Variants in MGAT2 observed in about 807,000 individuals in gnomAD.
The protein encoded by MGAT2 is Beta-1,2-N-acetylglucosaminyltransferase II.
In MGAT2, 17 loss-of-function variants were observed where a neutral mutation model predicts 33.8. That is an observed-to-expected ratio of 0.50 (90% confidence interval 0.34 to 0.76). MGAT2 has a LOEUF of 0.76. MGAT2 is among the 30% of genes least tolerant of loss of function. The pLI, the probability that MGAT2 is intolerant of heterozygous loss-of-function variation, is 0.01. For synonymous variants in MGAT2, 248 were observed against 226.7 expected (o/e 1.09, Z -0.84); for missense variants, 529 against 553.9 (o/e 0.96, Z 0.45).
Position 49,622,000 on chromosome 14 carries a change from A to C in MGAT2, c.732A>C (p.Arg244Ser). ...GGAAGCTGCATTTTGTGTGGGAAAGAGTGAAAATTCTTCGAGATTATGCTG... is the reference window on the plus strand; with the variant it reads ...GGAAGCTGCATTTTGTGTGGGAAAGCGTGAAAATTCTTCGAGATTATGCTG... Reference protein sequence around the residue: ...WWWKLHFVWERVKILRDYAGL... With the variant: ...WWWKLHFVWESVKILRDYAGL... Residue 244 changes from arginine (R) to serine (S), a missense_variant, in exon 1 of 1, where the codon AGA becomes AGC. Physicochemically the swap from Arg to Ser is moderately radical, Grantham distance 110. Coordinates refer to ENST00000305386, the MANE Select transcript of MGAT2 (RefSeq NM_002408.4). This position sits in a 1 kb window ranked among gnomAD's most constrained non-coding sequence, Gnocchi z 4.6. 1 of 1,614,220 alleles carries C rather than the reference A, an allele frequency of 6.2e-7. No individual in the cohort carries two copies. Among genetic ancestry groups the C allele is most frequent in the Non-Finnish European group, 8.5e-7 (1 of 1,180,040 alleles).
In MGAT2 at chr14:49,622,718, AAC is replaced by A; in HGVS notation, c.*108_*109del. ...GAACTGGTTTCTGCTTTAATACAAAAACAAAATCTTGTAAAAGGTGTCCAAAT... is the reference window on the plus strand; with the variant it reads ...GAACTGGTTTCTGCTTTAATACAAAAAAAATCTTGTAAAAGGTGTCCAAAT... On this transcript the variant is annotated 3_prime_UTR_variant, in exon 1 of 1. Coordinates refer to ENST00000305386, the MANE Select transcript of MGAT2 (RefSeq NM_002408.4). 1 of 1,203,970 alleles carries A rather than the reference AAC, an allele frequency of 8.3e-7. No individual in the cohort carries two copies. Among genetic ancestry groups the A allele is most frequent in the Non-Finnish European group, 1.1e-6 (1 of 882,434 alleles). The allele number at this position is 1,203,970 out of a possible 1,614,324, so 74.6% of individuals were successfully genotyped here. A position where few individuals can be genotyped will look rare whatever the true frequency, so the allele number is the denominator to read the frequency against.
chr14:49,622,371 A>T lies in MGAT2; in HGVS notation c.1103A>T (p.Gln368Leu). The T allele has an allele frequency of 6.2e-7, 1 of 1,614,176 alleles. No individual in the cohort carries two copies. Among genetic ancestry groups the T allele is most frequent in the Non-Finnish European group, 8.5e-7 (1 of 1,180,046 alleles). ...AAATTCTGGAAAGTGCTGGTTCCTC[A>T]AATTCCTAGGATCTTTCATGCTGGA... ...LPKFWKVLVP[Q>L]IPRIFHAGDC... Residue 368 changes from glutamine (Q) to leucine (L), a missense_variant, in exon 1 of 1, where the codon CAA becomes CTA. Transcript: ENST00000305386.
Position 49,621,243 on chromosome 14 carries a change from C to T in MGAT2, c.-26C>T. The stretch of plus-strand genomic sequence containing the variant: ...GCAGCTGCTCCTTTCCGCGCCCGCC[C>T]GCCTGCGCTCCCGGCCCTGGAGACC... On this transcript the variant is annotated 5_prime_UTR_variant, in exon 1 of 1. Transcript: ENST00000305386. The surrounding 1 kb of genome is among the most constrained non-coding windows in gnomAD (Gnocchi z 4.6). 1.2e-6 allele frequency: 2 copies of T among 1,611,598 alleles called. No homozygotes were observed. The highest frequency in any genetic ancestry group is 2.2e-5 in the East Asian group (1 of 44,864).
rs563513161 is a variant in MGAT2 at position 49,622,501 on chromosome 14, A to C, written c.1233A>C (p.Leu411=). The C allele has an allele frequency of 6.2e-7, 1 of 1,603,944 alleles. No homozygotes were observed. The highest frequency in any genetic ancestry group is 8.5e-7 in the Non-Finnish European group (1 of 1,175,396). ...NNKQYMFPET[L]TISEKFTVVA... The stretch of plus-strand genomic sequence containing the variant: ...AACAATACATGTTTCCAGAAACTCT[A>C]ACTATCAGTGAAAAGTTTACTGTGG... The change falls in exon 1 of 1, where the codon CTA becomes CTC. Residue 411 remains leucine (L), a synonymous_variant. Transcript: ENST00000305386.
rs199894838 is a variant in MGAT2 at position 49,621,227 on chromosome 14, C to G, written c.-42C>G. The G allele has an allele frequency of 9.6e-5, 155 of 1,610,370 alleles. No homozygotes were observed. Among genetic ancestry groups the G allele is most frequent in the Non-Finnish European group, 1.3e-4 (152 of 1,179,488 alleles). On this transcript the variant is annotated 5_prime_UTR_variant, in exon 1 of 1. Coordinates refer to ENST00000305386, the MANE Select transcript of MGAT2 (RefSeq NM_002408.4). This position sits in a 1 kb window ranked among gnomAD's most constrained non-coding sequence, Gnocchi z 4.6. ...CCCCTTCCGTGCAGAAGCAGCTGCT[C>G]CTTTCCGCGCCCGCCCGCCTGCGCT...
chr14:49,621,698 A>G lies in MGAT2; in HGVS notation c.430A>G (p.Ile144Val). 6.2e-7 allele frequency: 1 copy of G among 1,614,194 alleles called. No homozygotes were observed. Among genetic ancestry groups the G allele is most frequent in the Non-Finnish European group, 8.5e-7 (1 of 1,180,006 alleles). ...LLDSLRKAQG[I>V]DNVLVIFSHD... ...GGACTCACTTCGAAAAGCCCAGGGA[A>G]TTGACAACGTCCTCGTCATCTTTAG... Residue 144 changes from isoleucine to valine, a missense_variant, in exon 1 of 1, where the codon ATT (isoleucine) becomes GTT (valine). Transcript: ENST00000305386. This position sits in a 1 kb window ranked among gnomAD's most constrained non-coding sequence, Gnocchi z 4.6.
In MGAT2 at chr14:49,622,140, TG is replaced by T; in HGVS notation, c.876del (p.Thr293ProfsTer15). On this transcript the variant is annotated frameshift_variant, in exon 1 of 1. Transcript: ENST00000305386. LOFTEE classifies it high-confidence loss of function. The stretch of plus-strand genomic sequence containing the variant: ...TGCCCTGAATGTGATGTTCTCTCCC[TG>T]GGGACCTATAGTGCCAGTCGCAGTT... Reference protein sequence around the residue: ...QECPECDVLSLGTYSASRSFY... With the variant: ...QECPECDVLSXGTYSASRSFY... 6.2e-7 allele frequency: 1 copy of T among 1,614,216 alleles called. No individual in the cohort carries two copies. Among genetic ancestry groups the T allele is most frequent in the Non-Finnish European group, 8.5e-7 (1 of 1,180,040 alleles).
Position 49,621,600 on chromosome 14 carries a change from G to A in MGAT2, c.332G>A (p.Gly111Asp). 6.2e-7 allele frequency: 1 copy of A among 1,614,050 alleles called. No homozygotes were observed. Among genetic ancestry groups the A allele is most frequent in the Non-Finnish European group, 8.5e-7 (1 of 1,179,972 alleles). ...DQTLRNVDKAGTWAPRELVLV... is the reference protein window; with the variant it reads ...DQTLRNVDKADTWAPRELVLV... ...ACCCTGAGGAATGTAGATAAGGCTG[G>A]CACCTGGGCCCCCCGGGAGCTGGTG... The change falls in exon 1 of 1, where the codon GGC (glycine) becomes GAC (aspartate). Residue 111 changes from glycine to aspartate, a missense_variant. Around this residue, in one of 2 missense-constraint regions of MGAT2, gnomAD observed 501 missense variants for 501.1 expected, o/e 1.00. Transcript: ENST00000305386. This position sits in a 1 kb window ranked among gnomAD's most constrained non-coding sequence, Gnocchi z 4.6.
Position 49,620,913 on chromosome 14 carries a change from G to T in MGAT2, c.-356G>T. The T allele has an allele frequency of 1.4e-6, 1 of 701,388 alleles. No homozygotes were observed. Among genetic ancestry groups the T allele is most frequent in the Non-Finnish European group, 2.6e-6 (1 of 384,420 alleles). 43.4% of individuals were successfully genotyped at this position (701,388 alleles called of 1,614,324 possible). A position where few individuals can be genotyped will look rare whatever the true frequency, so the allele number is the denominator to read the frequency against. On this transcript the variant is annotated 5_prime_UTR_variant, in exon 1 of 1. Coordinates refer to ENST00000305386, the MANE Select transcript of MGAT2 (RefSeq NM_002408.4). ...GAGCGCAGAGGACGCAGGGCCGCTG[G>T]AGGCGCAGGTAACGAAGCTAGGGTG...
chr14:49,621,255 C>T lies in MGAT2; in HGVS notation c.-14C>T, dbSNP rs746915490. 5.6e-6 allele frequency: 9 copies of T among 1,611,998 alleles called. No individual in the cohort carries two copies. Among genetic ancestry groups the T allele is most frequent in the Middle Eastern group, 1.7e-4 (1 of 5,762 alleles). On this transcript the variant is annotated 5_prime_UTR_variant, in exon 1 of 1. Transcript: ENST00000305386. This position sits in a 1 kb window ranked among gnomAD's most constrained non-coding sequence, Gnocchi z 4.6. ...TTCCGCGCCCGCCCGCCTGCGCTCC[C>T]GGCCCTGGAGACCATGAGGTTCCGC...
rs761031417 is a variant in MGAT2, at chr14:49,621,442, C to T, written c.174C>T (p.Pro58=). The T allele has an allele frequency of 2.5e-6, 4 of 1,607,410 alleles. No homozygotes were observed. The South Asian group carries it at 3.3e-5, about 13-fold the overall frequency. Residue 58 remains proline (P), a synonymous_variant, in exon 1 of 1, where the codon CCC becomes CCT. Transcript: ENST00000305386. This position sits in a 1 kb window ranked among gnomAD's most constrained non-coding sequence, Gnocchi z 4.6. ...RGAGGRGGDH[P]SVAVGIRRVS... ...CCGGCGGCCGCGGTGGGGACCACCC[C>T]TCTGTGGCTGTGGGCATCCGCAGGG...
Position 49,622,516 on chromosome 14 carries a change from GT to G in MGAT2, c.1251del (p.Phe417LeufsTer4). ...CAGAAACTCTAACTATCAGTGAAAA[GT>G]TTACTGTGGTAGCCATTTCCCCACC... The part of the protein sequence containing the change: ...FPETLTISEK[F>X]TVVAISPPRK... On this transcript the variant is annotated frameshift_variant, in exon 1 of 1. Coordinates refer to ENST00000305386, the MANE Select transcript of MGAT2 (RefSeq NM_002408.4). LOFTEE classifies it high-confidence loss of function. The G allele has an allele frequency of 6.2e-7, 1 of 1,600,142 alleles. No individual in the cohort carries two copies. Among genetic ancestry groups the G allele is most frequent in the Non-Finnish European group, 8.5e-7 (1 of 1,173,796 alleles).
Position 49,622,354 on chromosome 14 carries a change from G to A in MGAT2, c.1086G>A (p.Trp362Ter), listed in dbSNP as rs1454642029. The change falls in exon 1 of 1, where the codon TGG becomes TGA. Residue 362 changes from tryptophan (W) to a stop codon, truncating the protein, a stop_gained. Transcript: ENST00000305386. LOFTEE classifies it high-confidence loss of function. The stretch of plus-strand genomic sequence containing the variant: ...CTGTATCTTGTCTTCCAAAATTCTG[G>A]AAAGTGCTGGTTCCTCAAATTCCTA... ...YLTVSCLPKF[W>*]KVLVPQIPRI... 6 of 1,614,160 alleles carry A rather than the reference G, an allele frequency of 3.7e-6. No homozygotes were observed. Among genetic ancestry groups the A allele is most frequent in the Non-Finnish European group, 5.1e-6 (6 of 1,180,030 alleles).
At position 49,621,941 on chromosome 14, in the gene MGAT2, G is replaced by A. The variant is rs1882867225; in HGVS notation, c.673G>A (p.Ala225Thr). ...CGACTCCTTCGGCCATTATAGAGAG[G>A]CCAAATTCTCCCAGACCAAACATCA... ...YPDSFGHYREAKFSQTKHHWW... is the reference protein window; with the variant it reads ...YPDSFGHYRETKFSQTKHHWW... The change falls in exon 1 of 1, where the codon GCC becomes ACC. Residue 225 changes from alanine (A) to threonine (T), a missense_variant. This residue lies in a region of MGAT2 where 501 missense variants were observed against 501.1 expected (regional missense o/e 1.00). Transcript: ENST00000305386. This position sits in a 1 kb window ranked among gnomAD's most constrained non-coding sequence, Gnocchi z 4.6. 6.2e-7 allele frequency: 1 copy of A among 1,614,158 alleles called. No individual in the cohort carries two copies. The highest frequency in any genetic ancestry group is 8.5e-7 in the Non-Finnish European group (1 of 1,180,026).
In MGAT2 at chr14:49,621,703, C is replaced by T; in HGVS notation, c.435C>T (p.Asp145=). 1 of 1,614,230 alleles carries T rather than the reference C, an allele frequency of 6.2e-7. No homozygotes were observed. The highest frequency in any genetic ancestry group is 8.5e-7 in the Non-Finnish European group (1 of 1,180,044). ...CACTTCGAAAAGCCCAGGGAATTGACAACGTCCTCGTCATCTTTAGCCATG... is the reference window on the plus strand; with the variant it reads ...CACTTCGAAAAGCCCAGGGAATTGATAACGTCCTCGTCATCTTTAGCCATG... ...LDSLRKAQGI[D]NVLVIFSHDF... is the part of the protein sequence containing the mutation. The change falls in exon 1 of 1, where the codon GAC becomes GAT. Residue 145 remains aspartate (D), a synonymous_variant. Transcript: ENST00000305386. The surrounding 1 kb of genome is among the most constrained non-coding windows in gnomAD (Gnocchi z 4.6).
At position 49,621,523 on chromosome 14, in the gene MGAT2, C is replaced by T; in HGVS notation, c.255C>T (p.Asp85=). ...CGGCGGTCCCCCAGCCCGAGGCGGA[C>T]AACCTGACGCTGCGGTACCGGTCCC... ...LVPAVPQPEA[D]NLTLRYRSLV... The change falls in exon 1 of 1, where the codon GAC becomes GAT. Residue 85 remains aspartate (D), a synonymous_variant. Transcript: ENST00000305386. This position sits in a 1 kb window ranked among gnomAD's most constrained non-coding sequence, Gnocchi z 4.6. 6.2e-7 allele frequency: 1 copy of T among 1,612,640 alleles called. No individual in the cohort carries two copies. Among genetic ancestry groups the T allele is most frequent in the Non-Finnish European group, 8.5e-7 (1 of 1,179,318 alleles).
rs1283570241 is a variant in MGAT2 at position 49,622,432 on chromosome 14, A to G, written c.1164A>G (p.Pro388=). Residue 388 remains proline, a synonymous_variant, in exon 1 of 1, where the codon CCA becomes CCG. Transcript: ENST00000305386. Reference sequence around the variant, plus strand: ...TGCATCACAAGAAAACCTGTAGACCATCCACTCAGAGTGCCCAAATTGAGT... The same window carrying G: ...TGCATCACAAGAAAACCTGTAGACCGTCCACTCAGAGTGCCCAAATTGAGT... ...CGMHHKKTCR[P]STQSAQIESL... 8.1e-6 allele frequency: 13 copies of G among 1,613,970 alleles called. No homozygotes were observed. Among genetic ancestry groups the G allele is most frequent in the African/African-American group, 4.0e-5 (3 of 74,922 alleles).
chr14:49,621,543 G>A lies in MGAT2; in HGVS notation c.275G>A (p.Arg92Gln). ...GCGGACAACCTGACGCTGCGGTACC[G>A]GTCCCTGGTGTACCAGCTGAACTTT... is the stretch of plus-strand genomic sequence containing the variant. ...PEADNLTLRY[R>Q]SLVYQLNFDQ... The change falls in exon 1 of 1, where the codon CGG becomes CAG. Residue 92 changes from arginine (R) to glutamine (Q), a missense_variant. This residue lies in a region of MGAT2 where 501 missense variants were observed against 501.1 expected (regional missense o/e 1.00). Transcript: ENST00000305386. This position sits in a 1 kb window ranked among gnomAD's most constrained non-coding sequence, Gnocchi z 4.6. 1 of 1,613,536 alleles carries A rather than the reference G, an allele frequency of 6.2e-7. No individual in the cohort carries two copies. The highest frequency in any genetic ancestry group is 8.5e-7 in the Non-Finnish European group (1 of 1,179,890).
Position 49,621,186 on chromosome 14 carries a change from G to A in MGAT2, c.-83G>A. The A allele has an allele frequency of 6.3e-7, 1 of 1,593,496 alleles. No homozygotes were observed. The highest frequency in any genetic ancestry group is 8.5e-7 in the Non-Finnish European group (1 of 1,171,294). ...TCCGACCGTGACAGGCCAAGGCGAC[G>A]GCCGCCGCCCGCCCGCCCCTTCCGT... On this transcript the variant is annotated 5_prime_UTR_variant, in exon 1 of 1. Transcript: ENST00000305386. The surrounding 1 kb of genome is among the most constrained non-coding windows in gnomAD (Gnocchi z 4.6).
Sources: gnomAD v4.1 joint callset for allele counts on GRCh38, gnomAD v4.1.1 for gene constraint, gnomAD v4.1.1 regional missense constraint, Gnocchi (gnomAD v3.1) non-coding constraint, MANE v1.5 for transcripts, NCBI Gene and HGNC (gene_info 2026-07-23, HGNC 2026-07-21) for gene names.